The following MBOAT1 variants were observed in gnomAD, a reference collection of about 807,000 sequenced individuals.
MBOAT1 encodes the protein membrane-bound glycerophospholipid O-acyltransferase 1.
Under a neutral mutation model 64.4 loss-of-function variants are expected in MBOAT1, and 67 were observed. The ratio of observed to expected loss-of-function variants is 1.04; its 90% CI spans 0.85 to 1.27. The LOEUF is 1.27. Among genes scored for constraint, MBOAT1 ranks in the 50% most tolerant of loss-of-function variants. MBOAT1 has a pLI of 0.00. For missense variants in MBOAT1, 563 were observed against 604.6 expected (o/e 0.93, Z 0.72); for synonymous variants, 229 against 218.9 (o/e 1.05, Z -0.41).
chr6:20,188,753 CAG>C (rs1762724233), intron 1 of MBOAT1, among the ~76,000 whole-genome samples: 1 of 152,132 alleles, frequency 6.6e-6, no homozygotes, highest in Non-Finnish European at 1.5e-5. Context: ...GCATATGTAT[CAG>C]GGGATGGAAC....
rs1354596871 is a variant in MBOAT1, at chr6:20,101,890, C to T, written c.*396G>A. Among the ~76,000 whole-genome samples, 7 of 151,824 alleles carry T rather than the reference C, an allele frequency of 4.6e-5. No individual in the cohort carries two copies. The highest frequency in any genetic ancestry group is 3.9e-4 in the East Asian group (2 of 5,162). On this transcript the variant is annotated 3_prime_UTR_variant, in exon 13 of 13. Coordinates refer to ENST00000324607, the MANE Select transcript of MBOAT1 (RefSeq NM_001080480.3). ...CAGCACTTTGGGAGGCCGAGGCGGG[C>T]GGATCACGAGGTCAGGAGATCGAGA...
At chr6:20,184,178 A>T (rs1481368368) in intron 1 of MBOAT1, among the ~76,000 whole-genome samples, 1 of 152,188 alleles carries the variant, frequency 6.6e-6, no homozygotes, top group East Asian at 1.9e-4. Context: ...AACTCAAAGC[A>T]AGAGGGGCAG....
chr6:20,121,759 GGT>G (rs1760498780), intron 8 of MBOAT1, among the ~76,000 whole-genome samples: 1 of 152,044 alleles, frequency 6.6e-6, no homozygotes, highest in Non-Finnish European at 1.5e-5. Flanking sequence ...AAGGAAGGTG[GGT>G]GAGGCAGCAG....
intron 1 of MBOAT1, among the ~76,000 whole-genome samples, chr6:20,194,584 TA>T (rs1223014819): frequency 2.0e-5 from 3 of 152,200 alleles, no homozygotes; most frequent in Non-Finnish European, 2.9e-5. Context: ...CACCACATCA[TA>T]TTAAGGGTAA....
chr6:20,206,565 T>C (rs935160680), intron 1 of MBOAT1, among the ~76,000 whole-genome samples: 2 of 152,180 alleles, frequency 1.3e-5, no homozygotes, highest in African/African-American at 4.8e-5. Flanking sequence ...AGAGGATGCA[T>C]GCAGAGGCAT....
chr6:20,126,789 T>G, intron 6 of MBOAT1, 89 bp from the exon 7 acceptor site: 8 of 929,424 alleles, frequency 8.6e-6, no homozygotes, highest in Non-Finnish European at 1.3e-5. Flanking sequence ...ATGTTATCTC[T>G]GTAGATTCGA....
intron 4 of MBOAT1, among the ~76,000 whole-genome samples, chr6:20,133,191 GA>G (rs1264178217): frequency 6.6e-6 from 1 of 152,212 alleles, no homozygotes. Flanking sequence ...CTGAGAGAGG[GA>G]AAGAGAACTC....
intron 11 of MBOAT1, among the ~76,000 whole-genome samples, chr6:20,112,231 C>T (rs1216669325): frequency 6.6e-6 from 1 of 151,958 alleles, no homozygotes; most frequent in Non-Finnish European, 1.5e-5. Flanking sequence ...ATGTTCGTCT[C>T]CTTCTTGGAG....
chr6:20,164,719 C>T (rs938681337), intron 1 of MBOAT1, among the ~76,000 whole-genome samples: 6 of 152,104 alleles, frequency 3.9e-5, no homozygotes, highest in African/African-American at 1.4e-4. Context: ...CTAATGCCAA[C>T]CGGGAAGAAA....
In MBOAT1 at chr6:20,152,665, G is replaced by A; in HGVS notation, c.204C>T (p.Ala68=). Reference sequence around the variant, plus strand: ...TGACAAAATAGATGCCAAAAATGGTGGCAACCGCATGCCGGACATCAGAGC... The same window carrying A: ...TGACAAAATAGATGCCAAAAATGGTAGCAACCGCATGCCGGACATCAGAGC... ...TTSSDVRHAV[A]TIFGIYFVIF... Residue 68 remains alanine, a synonymous_variant, in exon 2 of 13, where the codon GCC becomes GCT. Transcript: ENST00000324607. The A allele has an allele frequency of 6.2e-7, 1 of 1,611,502 alleles. No homozygotes were observed. The highest frequency in any genetic ancestry group is 8.5e-7 in the Non-Finnish European group (1 of 1,178,282).
At chr6:20,134,549 T>C (rs982286629) in intron 4 of MBOAT1, among the ~76,000 whole-genome samples, 6 of 152,166 alleles carry the variant, frequency 3.9e-5, no homozygotes, top group African/African-American at 1.2e-4. Context: ...GACAGTGAGT[T>C]TGTAAAACAC....
intron 6 of MBOAT1, among the ~76,000 whole-genome samples, chr6:20,127,384 G>C (rs1188097515): frequency 6.6e-6 from 1 of 152,202 alleles, no homozygotes; most frequent in Non-Finnish European, 1.5e-5. Flanking sequence ...CCCTATAGCA[G>C]GGATTCCCAA....
At chr6:20,167,089 T>A (rs1027069316) in intron 1 of MBOAT1, among the ~76,000 whole-genome samples, 7 of 152,212 alleles carry the variant, frequency 4.6e-5, no homozygotes, top group Admixed American at 3.3e-4. Flanking sequence ...TATTTCCAAA[T>A]TGGTTCCACA....
At chr6:20,154,681 C>T (rs774504436) in intron 1 of MBOAT1, among the ~76,000 whole-genome samples, 3 of 152,204 alleles carry the variant, frequency 2.0e-5, no homozygotes, top group Non-Finnish European at 4.4e-5. Context: ...GCCTGTCCTG[C>T]GTGATTTGGT....
In MBOAT1 at chr6:20,158,087, CAG is replaced by C. The variant is rs1325651023; in HGVS notation, c.100-5320_100-5319del. Among the ~76,000 whole-genome samples the C allele has an allele frequency of 4.1e-5, 6 of 147,134 alleles. No individual in the cohort carries two copies. The East Asian group carries it at 1.2e-3, about 30-fold the overall frequency. Reference sequence around the variant, plus strand: ...AGGACAATCGCTGGAACCTGGCAGACAGAGGTTACAGTGAGGCAAGATCATAT... The same window carrying C: ...AGGACAATCGCTGGAACCTGGCAGACAGGTTACAGTGAGGCAAGATCATAT... On this transcript the variant is annotated intron_variant, in intron 1 of 12. Coordinates refer to ENST00000324607, the MANE Select transcript of MBOAT1 (RefSeq NM_001080480.3).
Position 20,144,054 on chromosome 6 carries a change from T to C in MBOAT1, c.419+166A>G, listed in dbSNP as rs111708094. The stretch of plus-strand genomic sequence containing the variant: ...TCTTACAGCATAGCAGAGCTAACAG[T>C]CCTACCAATCAATCAAGTCTCCAGC... On this transcript the variant is annotated intron_variant, in intron 4 of 12. Transcript: ENST00000324607. Among the ~76,000 whole-genome samples, 1,324 of 152,240 alleles carry C rather than the reference T, an allele frequency of 8.7e-3. 24 individuals are homozygous for C. The highest frequency in any genetic ancestry group is 0.03 in the African/African-American group (1,263 of 41,546).
At chr6:20,132,668 C>T (rs1448329774) in intron 4 of MBOAT1, among the ~76,000 whole-genome samples, 6 of 152,164 alleles carry the variant, frequency 3.9e-5, no homozygotes, top group African/African-American at 1.4e-4. Context: ...TCAGGTTACG[C>T]ACTGGTTTCC....
chr6:20,101,675 G>C lies in MBOAT1; in HGVS notation c.*611C>G, dbSNP rs1324919936. 1.3e-5 allele frequency among the ~76,000 whole-genome samples: 2 copies of C among 152,136 alleles called. No individual in the cohort carries two copies. Among genetic ancestry groups the C allele is most frequent in the African/African-American group, 4.8e-5 (2 of 41,424 alleles). ...GTCACAGTAGCTGGAAATCATGCAG[G>C]AAGGGCAAAAAGCCAGCAGCCCAGA... On this transcript the variant is annotated 3_prime_UTR_variant, in exon 13 of 13. Coordinates refer to ENST00000324607, the MANE Select transcript of MBOAT1 (RefSeq NM_001080480.3).
rs1561773302 is a variant in MBOAT1, at chr6:20,168,623, GA to G, written c.100-15855del. Among the ~76,000 whole-genome samples the G allele has an allele frequency of 1.4e-3, 186 of 129,400 alleles. 3 individuals carry two copies. Among genetic ancestry groups the G allele is most frequent in the African/African-American group, 4.6e-3 (157 of 34,450 alleles). 84.9% of individuals were successfully genotyped at this position (129,400 alleles called of 152,430 possible). On this transcript the variant is annotated intron_variant, in intron 1 of 12. Transcript: ENST00000324607. ...AGAGAGAAGAGAAGAGAAGAGAAGA[GA>G]AGAGAAGAGAAGAGAAGAGAGGAGA... is the stretch of plus-strand genomic sequence containing the variant.
Sources: allele counts gnomAD v4.1 joint callset (sites outside exome capture counted in the v4.1 genomes callset), GRCh38; gene constraint gnomAD v4.1.1; transcripts MANE v1.5; gene names NCBI Gene and HGNC (gene_info 2026-07-23, HGNC 2026-07-21).